Variants in ZBBX observed in about 807,000 individuals in gnomAD.
ZBBX encodes the protein zinc finger B-box domain containing, also known as zinc finger B-box domain-containing protein 1.
Under a neutral mutation model 108.5 loss-of-function variants are expected in ZBBX, and 101 were observed. That is an observed-to-expected ratio of 0.93 (90% CI 0.79 to 1.10). The LOEUF (loss-of-function observed/expected upper bound fraction) is 1.10. Among genes scored for constraint, ZBBX ranks in the 50% least tolerant of loss-of-function variants. The pLI is 0.00. For missense variants in ZBBX, 1,009 were observed against 941.4 expected, an observed-to-expected ratio of 1.07 and a Z score of -0.94; for synonymous variants, 356 against 323.4, an observed-to-expected ratio of 1.10 and a Z score of -1.08.
Position 167,275,696 on chromosome 3 carries a change from T to TG in ZBBX, c.2254+6541dup, listed in dbSNP as rs573782110. Among the ~76,000 whole-genome samples the TG allele has an allele frequency of 8.9e-3, 1,361 of 152,196 alleles. 28 individuals are homozygous for TG. Among genetic ancestry groups the TG allele is most frequent in the African/African-American group, 0.031 (1,285 of 41,526 alleles). On this transcript the variant is annotated intron_variant, in intron 20 of 21. Transcript: ENST00000675490. The stretch of plus-strand genomic sequence containing the variant: ...TCAAACTGCAAGGTGGCAGCGAGGC[T>TG]GGGGGAGGGGTGCCCGCCATTGCCC...
chr3:167,348,360 G>GAAAAAA (rs1170664258), intron 9 of ZBBX, among the ~76,000 whole-genome samples: 1 of 123,806 alleles, frequency 8.1e-6, no homozygotes, highest in Non-Finnish European at 1.7e-5. Flanking sequence ...AAGAAAGAAA[G>GAAAAAA]AAAGAAAGAA....
chr3:167,242,472 T>C, intron 21 of ZBBX, 33 bp downstream of exon 21: 2 of 1,563,984 alleles, frequency 1.3e-6, no homozygotes, highest in Non-Finnish European at 1.7e-6. Flanking sequence ...TACTACATAC[T>C]ATATTAATAA....
intron 20 of ZBBX, among the ~76,000 whole-genome samples, chr3:167,268,100 A>C (rs1257509456): frequency 6.6e-6 from 1 of 152,056 alleles, no homozygotes; most frequent in Non-Finnish European, 1.5e-5. Flanking sequence ...CTCCACATCT[A>C]TGGAGTCAGC....
chr3:167,333,524 T>C (rs899744906), intron 10 of ZBBX, among the ~76,000 whole-genome samples: 5 of 152,200 alleles, frequency 3.3e-5, no homozygotes, highest in African/African-American at 4.8e-5. Context: ...TATTGCATTG[T>C]GGTTTTTAAA....
intron 17 of ZBBX, among the ~76,000 whole-genome samples, chr3:167,301,040 C>A (rs1732580364): frequency 6.6e-6 from 1 of 151,524 alleles, no homozygotes; most frequent in African/African-American, 2.4e-5. Flanking sequence ...AAGCCTAGTA[C>A]CTACTAGTTA....
the ZBBX span, among the ~76,000 whole-genome samples, chr3:167,208,783 T>C: frequency 4.6e-5 from 7 of 152,072 alleles, no homozygotes; most frequent in Non-Finnish European, 1.0e-4. Flanking sequence ...GGTAAAAGGA[T>C]AGGGAAGAGT....
the ZBBX span, among the ~76,000 whole-genome samples, chr3:167,228,361 T>A: frequency 2.0e-5 from 3 of 151,758 alleles, no homozygotes; most frequent in Admixed American, 1.3e-4. Flanking sequence ...ATTTGTGCAT[T>A]ATGCTGCACT....
At chr3:167,365,316 TTTTC>T (rs1290588732) in intron 6 of ZBBX, among the ~76,000 whole-genome samples, 1 of 151,768 alleles carries the variant, frequency 6.6e-6, no homozygotes, top group African/African-American at 2.4e-5. Flanking sequence ...AGCAAAATTG[TTTTC>T]TTTATGTAAA....
intron 18 of ZBBX, among the ~76,000 whole-genome samples, chr3:167,293,251 A>G (rs1169517974): frequency 1.3e-5 from 2 of 152,190 alleles, no homozygotes; most frequent in Admixed American, 1.3e-4. Flanking sequence ...AAACAAAAAA[A>G]GAAAATTTCA....
chr3:167,264,169 C>T lies in ZBBX; in HGVS notation c.2254+18069G>A, dbSNP rs375060073. Among the ~76,000 whole-genome samples, 155 of 152,186 alleles carry T rather than the reference C, an allele frequency of 1.0e-3. 5 individuals carry two copies. In the South Asian group the frequency reaches 0.031, roughly 31 times the overall value. On this transcript the variant is annotated intron_variant, in intron 20 of 21. Transcript: ENST00000675490. ...TTATTTTTCCATCCATTCAGCCATT[C>T]TGTCTTTTAATTGGAGAGTTTAGTT... is the stretch of plus-strand genomic sequence containing the variant.
chr3:167,348,354 AAG>A lies in ZBBX; in HGVS notation c.528+2064_528+2065del, dbSNP rs377084650. Among the ~76,000 whole-genome samples the A allele has an allele frequency of 8.5e-3, 593 of 69,646 alleles. 16 individuals are homozygous for A. The highest frequency in any genetic ancestry group is 0.079 in the East Asian group (82 of 1,038). The allele number at this position is 69,646 out of a possible 152,430, so 45.7% of individuals were successfully genotyped here. A position where few individuals can be genotyped will look rare whatever the true frequency, so the allele number is the denominator to read the frequency against. On this transcript the variant is annotated intron_variant, in intron 9 of 21. Transcript: ENST00000675490. ...AAAGAAAGAAAGAAAGAAAGAAAGA[AAG>A]AAAGAAAGAAAGAAAAAAAAGAAAA...
chr3:167,318,311 T>C (rs537841847), intron 12 of ZBBX, among the ~76,000 whole-genome samples: 212 of 152,140 alleles, frequency 1.4e-3, no homozygotes, highest in Middle Eastern at 6.8e-3. Flanking sequence ...CTCAGTGATA[T>C]TTGTAGTTAA....
At chr3:167,257,598 G>A (rs535827136) in intron 20 of ZBBX, among the ~76,000 whole-genome samples, 11 of 152,094 alleles carry the variant, frequency 7.2e-5, no homozygotes, top group African/African-American at 2.4e-4. Flanking sequence ...ATGGAGGGAC[G>A]TTAACTTTAT....
In ZBBX at chr3:167,240,652, T is replaced by C. The variant is rs1720511866; in HGVS notation, c.*141A>G. The C allele has an allele frequency of 8.4e-6, 8 of 949,394 alleles. No individual in the cohort carries two copies. The highest frequency in any genetic ancestry group is 1.2e-5 in the Non-Finnish European group (8 of 653,456). 58.8% of individuals were successfully genotyped at this position (949,394 alleles called of 1,614,324 possible). A position where few individuals can be genotyped will look rare whatever the true frequency, so the allele number is the denominator to read the frequency against. On this transcript the variant is annotated 3_prime_UTR_variant, in exon 22 of 22. Coordinates refer to ENST00000675490, the MANE Select transcript of ZBBX (RefSeq NM_001199201.2). ...AGCCCTTGAACTTATAATTTTACTTTTATTAGTTTGTAGCCTTGAAACATC... is the reference window on the plus strand; with the variant it reads ...AGCCCTTGAACTTATAATTTTACTTCTATTAGTTTGTAGCCTTGAAACATC...
intron 20 of ZBBX, among the ~76,000 whole-genome samples, chr3:167,279,223 C>T (rs1359947864): frequency 6.6e-6 from 1 of 152,180 alleles, no homozygotes; most frequent in African/African-American, 2.4e-5. Flanking sequence ...TCCTGTTCAA[C>T]ATAGTGTTGG....
chr3:167,300,389 C>T (rs748949543), intron 17 of ZBBX, among the ~76,000 whole-genome samples: 1 of 152,030 alleles, frequency 6.6e-6, no homozygotes, highest in Non-Finnish European at 1.5e-5. Flanking sequence ...AGCCATTTTA[C>T]AACAGTCACT....
chr3:167,208,104 G>A, the ZBBX span, among the ~76,000 whole-genome samples: 1 of 152,296 alleles, frequency 6.6e-6, no homozygotes, highest in South Asian at 2.1e-4. Flanking sequence ...TGCCCATGAA[G>A]GAAGCATTTA....
chr3:167,266,197 T>C, intron 20 of ZBBX, among the ~76,000 whole-genome samples: 1 of 152,222 alleles, frequency 6.6e-6, no homozygotes, highest in Non-Finnish European at 1.5e-5. Context: ...CCTCCCCTTT[T>C]TTCTCAACTT....
chr3:167,239,518 A>G (rs537255895), downstream of ZBBX, among the ~76,000 whole-genome samples: 1 of 152,226 alleles, frequency 6.6e-6, no homozygotes, highest in South Asian at 2.1e-4. Flanking sequence ...TACATAATGA[A>G]TATTAAATAT....
Sources: allele counts gnomAD v4.1 joint callset (sites outside exome capture counted in the v4.1 genomes callset), GRCh38; gene constraint gnomAD v4.1.1; transcripts MANE v1.5; gene names NCBI Gene and HGNC (gene_info 2026-07-23, HGNC 2026-07-21).